SYCP2: variants seen among roughly 807,000 people sequenced by gnomAD.
SYCP2 encodes synaptonemal complex lateral element protein.
A neutral mutation model predicts 211.3 loss-of-function variants in SYCP2; 55 were observed. The ratio of observed to expected loss-of-function variants is 0.26; its 90% CI spans 0.21 to 0.33. The LOEUF is 0.33. SYCP2 is among the 10% of genes least tolerant of loss of function. The pLI is 1.00. For synonymous variants in SYCP2, 570 were observed against 555.2 expected, an observed-to-expected ratio of 1.03 and a Z score of -0.37; for missense variants, 1,731 against 1,752.0, an observed-to-expected ratio of 0.99 and a Z score of 0.21.
rs1360840725 is a variant in SYCP2 at position 59,867,978 on chromosome 20, G to GATTATGAAATCAAAGGAAAT, written c.3989-132_3989-131insATTTCCTTTGATTTCATAAT. 3 of 632,794 alleles carry GATTATGAAATCAAAGGAAAT rather than the reference G, an allele frequency of 4.7e-6. No homozygotes were observed. In the East Asian group the frequency reaches 9.2e-5, roughly 19 times the overall value. 39.2% of individuals were successfully genotyped at this position (632,794 alleles called of 1,614,324 possible). On this transcript the variant is annotated intron_variant, in intron 38 of 44. Coordinates refer to ENST00000357552, the MANE Select transcript of SYCP2 (RefSeq NM_014258.4). ...TAACCTAAGGATTATGAAATCAAAG[G>GATTATGAAATCAAAGGAAAT]CAGAAGAGTTCCTTATGTTTTTTTT...
intron 20 of SYCP2, 100 bp downstream of exon 20, chr20:59,895,337 C>G (rs1213956750): frequency 9.9e-7 from 1 of 1,005,944 alleles, no homozygotes; most frequent in Non-Finnish European, 1.4e-6. Context: ...ATGCTTTAAA[C>G]AAAATGAGAC....
intron 31 of SYCP2, among the ~76,000 whole-genome samples, chr20:59,878,353 T>C (rs1190335390): frequency 6.6e-6 from 1 of 152,156 alleles, no homozygotes; most frequent in Non-Finnish European, 1.5e-5. Context: ...ATTGGCACCA[T>C]TTTTAAACTC....
At chr20:59,898,994 T>C (rs1167462853) in intron 18 of SYCP2, among the ~76,000 whole-genome samples, 2 of 152,124 alleles carry the variant, frequency 1.3e-5, no homozygotes, top group Non-Finnish European at 2.9e-5. Flanking sequence ...ATTCAGTCAG[T>C]GGGATGAACA....
At chr20:59,926,847 G>A (rs2060643250) in intron 2 of SYCP2, among the ~76,000 whole-genome samples, 1 of 152,154 alleles carries the variant, frequency 6.6e-6, no homozygotes, top group Admixed American at 6.5e-5. Flanking sequence ...AGGCAGCAAT[G>A]CCATTACAGG....
chr20:59,896,102 A>T (rs568202695), intron 19 of SYCP2, among the ~76,000 whole-genome samples: 1 of 152,186 alleles, frequency 6.6e-6, no homozygotes, highest in South Asian at 2.1e-4. Context: ...ATTTAGCTAG[A>T]GGATATCTGT....
chr20:59,884,562 C>T (rs528326271), intron 26 of SYCP2, among the ~76,000 whole-genome samples: 5 of 151,864 alleles, frequency 3.3e-5, no homozygotes, highest in South Asian at 2.1e-4. Flanking sequence ...AATTTCTTTC[C>T]GTTATTTTAT....
At chr20:59,890,162 A>G (rs929528267) in intron 24 of SYCP2, among the ~76,000 whole-genome samples, 5 of 152,168 alleles carry the variant, frequency 3.3e-5, no homozygotes, top group Non-Finnish European at 5.9e-5. Context: ...ATGCCCATCA[A>G]TGATAGACTG....
At chr20:59,900,657 C>CA (rs2060098428) in intron 17 of SYCP2, 87 bp downstream of exon 17, 11 of 963,886 alleles carry the variant, frequency 1.1e-5, no homozygotes, top group Non-Finnish European at 1.8e-5. Flanking sequence ...TCTATATATT[C>CA]ACCCTCCAAC....
chr20:59,883,051 A>G (rs943730711), intron 26 of SYCP2, among the ~76,000 whole-genome samples: 2 of 152,166 alleles, frequency 1.3e-5, no homozygotes, highest in African/African-American at 4.8e-5. Flanking sequence ...ACCCATATAT[A>G]TAATTGCATT....
At chr20:59,929,206 C>CCCT (rs1198499763) in intron 2 of SYCP2, among the ~76,000 whole-genome samples, 1 of 151,988 alleles carries the variant, frequency 6.6e-6, no homozygotes, top group Admixed American at 6.5e-5. Context: ...ATAACCAGTC[C>CCCT]CCTCTCCACC....
chr20:59,869,822 T>G lies in SYCP2; in HGVS notation c.3717A>C (p.Glu1239Asp). Residue 1239 changes from glutamate (E) to aspartate (D), a missense_variant, in exon 36 of 45, where the codon GAA (glutamate) becomes GAC (aspartate). By Grantham distance (45) the Glu-to-Asp change is conservative. Coordinates refer to ENST00000357552, the MANE Select transcript of SYCP2 (RefSeq NM_014258.4). ...CCTCTCTTTTGCTTTGTATATAATT[T>G]TCATTGATATGTGGAGATTCAATTT... ...FMEIESPHIN[E>D]NYIQSKREES... 2 of 1,605,062 alleles carry G rather than the reference T, an allele frequency of 1.2e-6. No homozygotes were observed.
chr20:59,905,574 A>G (rs1382488869), intron 15 of SYCP2, among the ~76,000 whole-genome samples: 1 of 152,180 alleles, frequency 6.6e-6, no homozygotes, highest in Non-Finnish European at 1.5e-5. Flanking sequence ...TATCAAAGAA[A>G]ACATCAGTAA....
intron 35 of SYCP2, among the ~76,000 whole-genome samples, chr20:59,873,220 T>C (rs759495340): frequency 6.6e-5 from 10 of 152,116 alleles, no homozygotes; most frequent in Non-Finnish European, 1.2e-4. Flanking sequence ...ATTCACCATT[T>C]CACTTAAAGG....
chr20:59,906,242 A>C (rs2060211182), intron 15 of SYCP2, among the ~76,000 whole-genome samples: 1 of 152,156 alleles, frequency 6.6e-6, no homozygotes, highest in Admixed American at 6.5e-5. Context: ...ATAATTTCCA[A>C]AACAATATTT....
At chr20:59,901,625 T>A in intron 16 of SYCP2, 37 bp downstream of exon 16, 1 of 1,240,880 alleles carries the variant, frequency 8.1e-7, no homozygotes, top group South Asian at 1.5e-5. Flanking sequence ...TCCAGAATTA[T>A]GAAAATAGTA....
chr20:59,897,058 G>T (rs1336361202), intron 18 of SYCP2, among the ~76,000 whole-genome samples: 1 of 152,126 alleles, frequency 6.6e-6, no homozygotes, highest in Non-Finnish European at 1.5e-5. Flanking sequence ...TTCCAATAAA[G>T]ATTTGTTTTC....
At chr20:59,908,869 CA>C (rs1042144449) in intron 14 of SYCP2, among the ~76,000 whole-genome samples, 3 of 151,984 alleles carry the variant, frequency 2.0e-5, no homozygotes, top group Admixed American at 1.3e-4. Context: ...TTAATATACC[CA>C]AAAAAACCCC....
chr20:59,913,927 A>G (rs781602314), intron 12 of SYCP2, 48 bp downstream of exon 12: 5 of 1,431,342 alleles, frequency 3.5e-6, no homozygotes, highest in Non-Finnish European at 3.8e-6. Context: ...CTCACTCTTG[A>G]GCTCTATTTA....
At chr20:59,921,174 G>T in intron 4 of SYCP2, 136 bp downstream of exon 4, 1 of 601,934 alleles carries the variant, frequency 1.7e-6, no homozygotes, top group East Asian at 3.3e-5. Context: ...AGCAAATGGT[G>T]AAATAAGCAT....
Sources: allele counts gnomAD v4.1 joint callset (sites outside exome capture counted in the v4.1 genomes callset), GRCh38; gene constraint gnomAD v4.1.1; transcripts MANE v1.5; gene names NCBI Gene and HGNC (gene_info 2026-07-23, HGNC 2026-07-21).